The following USP38 variants were observed in gnomAD, a reference collection of about 807,000 sequenced individuals.
USP38 encodes ubiquitin specific peptidase 38, also known as ubiquitin carboxyl-terminal hydrolase 38.
A neutral mutation model predicts 94.3 loss-of-function variants in USP38; 49 were observed. The ratio of observed to expected loss-of-function variants is 0.52; its 90% CI spans 0.41 to 0.66. The LOEUF is 0.66. Ranked by LOEUF, USP38 falls within the 30% of genes least tolerant of loss-of-function variation. The pLI is 0.00. For missense variants in USP38, 1,128 were observed against 1,229.4 expected (o/e 0.92, Z 1.23); for synonymous variants, 468 against 463.6 (o/e 1.01, Z -0.12).
intron 1 of USP38, among the ~76,000 whole-genome samples, chr4:143,186,354 C>G (rs1731224378): frequency 6.6e-6 from 1 of 152,168 alleles, no homozygotes. Flanking sequence ...TTGAGAACGT[C>G]CAGGTCTAAG....
intron 4 of USP38, among the ~76,000 whole-genome samples, chr4:143,199,663 A>G (rs1731654418): frequency 6.6e-6 from 1 of 152,030 alleles, no homozygotes; most frequent in African/African-American, 2.4e-5. Context: ...TGACTTTTTA[A>G]TGATAGCCAT....
intron 7 of USP38, among the ~76,000 whole-genome samples, chr4:143,210,586 CAAA>C (rs540768498): frequency 7.5e-6 from 1 of 133,102 alleles, no homozygotes. Context: ...GCCCCTGTCT[CAAA>C]AAAAAAAAAG....
intron 7 of USP38, 126 bp from the exon 8 acceptor site, chr4:143,212,192 G>A (rs1264422546): frequency 2.1e-5 from 13 of 628,906 alleles, no homozygotes; most frequent in Admixed American, 3.9e-5. Flanking sequence ...TGCCACGTCC[G>A]GCACTTTTGG....
chr4:143,196,431 C>T (rs1469881811), intron 3 of USP38, among the ~76,000 whole-genome samples: 1 of 152,168 alleles, frequency 6.6e-6, no homozygotes, highest in African/African-American at 2.4e-5. Context: ...CCAAAATTAC[C>T]AGTGGTTTCC....
intron 4 of USP38, among the ~76,000 whole-genome samples, chr4:143,200,770 A>G (rs1025711784): frequency 9.8e-5 from 15 of 152,288 alleles, no homozygotes; most frequent in Admixed American, 3.9e-4. Flanking sequence ...AGGCGATCCC[A>G]TTCACAATTG....
chr4:143,194,413 G>A (rs969422907), intron 2 of USP38, among the ~76,000 whole-genome samples: 1 of 152,064 alleles, frequency 6.6e-6, no homozygotes, highest in Non-Finnish European at 1.5e-5. Context: ...AGTCACTCTG[G>A]CTTCAAAAAC....
chr4:143,185,707 T>C lies in USP38; in HGVS notation c.257T>C (p.Leu86Ser), dbSNP rs990932961. 6 of 1,614,188 alleles carry C rather than the reference T, an allele frequency of 3.7e-6. No individual in the cohort carries two copies. Among genetic ancestry groups the C allele is most frequent in the Non-Finnish European group, 5.1e-6 (6 of 1,180,030 alleles). ...TCCTTCTTCAACAAGACCTTCGTGTTGGGCCTCCTTCATCAGGGCTACCAC... is the reference window on the plus strand; with the variant it reads ...TCCTTCTTCAACAAGACCTTCGTGTCGGGCCTCCTTCATCAGGGCTACCAC... ...FESFFNKTFV[L>S]GLLHQGYHSL... Residue 86 changes from leucine to serine, a missense_variant, in exon 1 of 10, where the codon TTG (leucine) becomes TCG (serine). Coordinates refer to ENST00000307017, the MANE Select transcript of USP38 (RefSeq NM_032557.6).
chr4:143,195,886 A>C, intron 3 of USP38, 41 bp downstream of exon 3: 1 of 1,515,014 alleles, frequency 6.6e-7, no homozygotes. Context: ...ATATAGACTC[A>C]TAAAATCAAT....
At chr4:143,217,332 G>A (rs1387192182) in intron 9 of USP38, among the ~76,000 whole-genome samples, 1 of 152,148 alleles carries the variant, frequency 6.6e-6, no homozygotes, top group Non-Finnish European at 1.5e-5. Flanking sequence ...AACACCTGGA[G>A]CATGTACATG....
intron 9 of USP38, among the ~76,000 whole-genome samples, chr4:143,219,787 A>G (rs1253880255): frequency 6.6e-6 from 1 of 152,110 alleles, no homozygotes; most frequent in Non-Finnish European, 1.5e-5. Flanking sequence ...TTGAATACCT[A>G]ACATATGCTT....
At chr4:143,213,553 A>C (rs1732086705) in intron 8 of USP38, 28 bp from the exon 9 acceptor site, 44 of 1,525,856 alleles carry the variant, frequency 2.9e-5, no homozygotes, top group Non-Finnish European at 3.9e-5. Flanking sequence ...TAATTTAAGT[A>C]GCTATATAAT....
At chr4:143,209,708 TCATTAAACTTTA>T in intron 7 of USP38, 51 bp downstream of exon 7, 1 of 1,174,412 alleles carries the variant, frequency 8.5e-7, no homozygotes, top group Non-Finnish European at 1.2e-6. Flanking sequence ...GTGGTAATAT[TCATTAAACTTTA>T]CCTTATACCT....
rs1349951404 is a variant in USP38, at chr4:143,213,276, G to A, written c.1605-305G>A. 3.9e-5 allele frequency among the ~76,000 whole-genome samples: 6 copies of A among 152,254 alleles called. No homozygotes were observed. In the East Asian group the frequency reaches 5.8e-4, roughly 15 times the overall value. On this transcript the variant is annotated intron_variant, in intron 8 of 9. Transcript: ENST00000307017. The stretch of plus-strand genomic sequence containing the variant: ...AGTTTATTTGTGCCTGACTTTCTAT[G>A]AGATGTCAGGAAGACAGAGATATAT...
chr4:143,186,356 A>G (rs1056365934), intron 1 of USP38, among the ~76,000 whole-genome samples: 3 of 152,216 alleles, frequency 2.0e-5, no homozygotes, highest in Non-Finnish European at 2.9e-5. Context: ...GAGAACGTCC[A>G]GGTCTAAGAC....
rs990808315 is a variant in USP38, at chr4:143,220,230, A to G, written c.2968-65A>G. 14 of 1,440,834 alleles carry G rather than the reference A, an allele frequency of 9.7e-6. No individual in the cohort carries two copies. In the Admixed American group the frequency reaches 1.8e-4, roughly 19 times the overall value. 89.3% of individuals were successfully genotyped at this position (1,440,834 alleles called of 1,614,324 possible). On this transcript the variant is annotated intron_variant, in intron 9 of 9. Coordinates refer to ENST00000307017, the MANE Select transcript of USP38 (RefSeq NM_032557.6). ...ATTAAGGTAGTTTTAAAATATTTCT[A>G]TAGGTGATATAACGATCCATTGTAT...
intron 7 of USP38, 113 bp from the exon 8 acceptor site, chr4:143,212,205 G>A (rs942142517): frequency 1.3e-6 from 1 of 749,294 alleles, no homozygotes; most frequent in Non-Finnish European, 2.0e-6. Flanking sequence ...ACTTTTGGCT[G>A]ATGCAATGTT....
rs768729484 is a variant in USP38 at position 143,214,161 on chromosome 4, G to A, written c.2185G>A (p.Glu729Lys). 2 of 1,612,664 alleles carry A rather than the reference G, an allele frequency of 1.2e-6. No individual in the cohort carries two copies. The highest frequency in any genetic ancestry group is 1.7e-6 in the Non-Finnish European group (2 of 1,179,628). The change falls in exon 9 of 10, where the codon GAG (glutamate) becomes AAG (lysine). Residue 729 changes from glutamate (E) to lysine (K), a missense_variant. Transcript: ENST00000307017. ...CTTACTAAATTATTTTTTGGCTCCAGAGATTCTTACTGGTGATAACCAATA... is the reference window on the plus strand; with the variant it reads ...CTTACTAAATTATTTTTTGGCTCCAAAGATTCTTACTGGTGATAACCAATA... ...TDLLNYFLAP[E>K]ILTGDNQYYC... is the part of the protein sequence containing the mutation.
At chr4:143,215,699 A>G (rs773754164) in intron 9 of USP38, 1 of 152,092 alleles carries the variant, frequency 6.6e-6, no homozygotes, top group Non-Finnish European at 1.5e-5. Flanking sequence ...AGTTTGAATG[A>G]GTACATTTTG....
At chr4:143,193,461 C>G (rs1731458879) in intron 2 of USP38, among the ~76,000 whole-genome samples, 1 of 152,168 alleles carries the variant, frequency 6.6e-6, no homozygotes, top group Non-Finnish European at 1.5e-5. Flanking sequence ...CTTTGCTACT[C>G]TGTATAAGTA....
Sources: allele counts gnomAD v4.1 joint callset (sites outside exome capture counted in the v4.1 genomes callset), GRCh38; gene constraint gnomAD v4.1.1; transcripts MANE v1.5; gene names NCBI Gene and HGNC (gene_info 2026-07-23, HGNC 2026-07-21).